Variants in AGTPBP1 observed in about 807,000 individuals in gnomAD.
AGTPBP1 encodes cytosolic carboxypeptidase 1.
A neutral mutation model predicts 143.9 loss-of-function variants in AGTPBP1; 70 were observed. That is an observed-to-expected ratio of 0.49 (90% CI 0.40 to 0.59). The LOEUF (loss-of-function observed/expected upper bound fraction) is 0.59. Ranked by LOEUF, AGTPBP1 falls within the 20% of genes least tolerant of loss-of-function variation. The pLI, the probability that AGTPBP1 is intolerant of heterozygous loss-of-function variation, is 0.00. For missense variants in AGTPBP1, 1,229 were observed against 1,464.5 expected (o/e 0.84, Z 2.62); for synonymous variants, 463 against 500.2 (o/e 0.93, Z 0.99).
upstream of AGTPBP1, among the ~76,000 whole-genome samples, chr9:85,746,224 C>T (rs936561695): frequency 6.6e-5 from 10 of 152,150 alleles, no homozygotes; most frequent in South Asian, 2.1e-4. Flanking sequence ...AAATCTGCTG[C>T]GATCCACTGC....
chr9:85,763,185 CA>C, the AGTPBP1 span, among the ~76,000 whole-genome samples: 44 of 150,184 alleles, frequency 2.9e-4, 1 homozygote, highest in Admixed American at 2.2e-3. Context: ...AAAAAACAAA[CA>C]AAAAAAAACC....
chr9:85,557,054 C>G (rs1231749530), intron 25 of AGTPBP1, among the ~76,000 whole-genome samples: 2 of 152,094 alleles, frequency 1.3e-5, no homozygotes, highest in Non-Finnish European at 2.9e-5. Context: ...CTTCCTTATG[C>G]TGATATATTC....
intron 19 of AGTPBP1, 36 bp downstream of exon 19, chr9:85,592,524 A>G (rs989218741): frequency 2.8e-6 from 4 of 1,444,882 alleles, no homozygotes; most frequent in Admixed American, 2.3e-5. Flanking sequence ...TATCTTATAC[A>G]TATCCATATA....
intron 8 of AGTPBP1, among the ~76,000 whole-genome samples, chr9:85,666,097 A>T (rs1834115050): frequency 6.6e-6 from 1 of 152,122 alleles, no homozygotes; most frequent in Admixed American, 6.6e-5. Flanking sequence ...AGCAACAATA[A>T]TTCAAAAAGT....
At chr9:85,582,463 T>C (rs1222825367) in intron 23 of AGTPBP1, among the ~76,000 whole-genome samples, 1 of 152,090 alleles carries the variant, frequency 6.6e-6, no homozygotes, top group Non-Finnish European at 1.5e-5. Context: ...GATCATTTGA[T>C]GTCAGGATTT....
upstream of AGTPBP1, chr9:85,742,151 A>G (rs1824376160): frequency 1.3e-5 from 7 of 533,306 alleles, no homozygotes; most frequent in Non-Finnish European, 1.7e-5. Flanking sequence ...GCCTGACGGG[A>G]GGGAGCGCGC....
At chr9:85,592,495 A>G in intron 19 of AGTPBP1, 65 bp downstream of exon 19, 4 of 1,165,524 alleles carry the variant, frequency 3.4e-6, no homozygotes, top group Middle Eastern at 2.6e-4. Context: ...ATATTTAACT[A>G]AACTCAATTT....
chr9:85,551,527 T>C (rs866417811), intron 25 of AGTPBP1, among the ~76,000 whole-genome samples: 2 of 152,160 alleles, frequency 1.3e-5, no homozygotes, highest in Non-Finnish European at 2.9e-5. Flanking sequence ...ACCCATCTGA[T>C]CTCTCCTGTC....
intron 25 of AGTPBP1, among the ~76,000 whole-genome samples, chr9:85,573,110 GGTCTCCCTCTCCCTCTCTTTCCACA>G (rs1285185902): frequency 6.7e-6 from 1 of 148,602 alleles, no homozygotes; most frequent in Non-Finnish European, 1.5e-5. Context: ...CCTTCCCCAC[GGTCTCCCTCTCCCTCTCTTTCCACA>G]GTCTCCCTCT....
chr9:85,777,055 G>A, the AGTPBP1 span, among the ~76,000 whole-genome samples: 1 of 152,160 alleles, frequency 6.6e-6, no homozygotes, highest in Non-Finnish European at 1.5e-5. Context: ...CGTTCTATCA[G>A]TCTAGCTGCT....
At chr9:85,772,044 C>T in the AGTPBP1 span, among the ~76,000 whole-genome samples, 1 of 146,410 alleles carries the variant, frequency 6.8e-6, no homozygotes, top group Non-Finnish European at 1.5e-5. Context: ...GGTGTGATCT[C>T]GGCTCACTGC....
Position 85,602,319 on chromosome 9 carries a change from A to C in AGTPBP1, c.2336-5870T>G, listed in dbSNP as rs188161504. Among the ~76,000 whole-genome samples, 368 of 152,302 alleles carry C rather than the reference A, an allele frequency of 2.4e-3. 3 individuals are homozygous for C. Among genetic ancestry groups the C allele is most frequent in the Non-Finnish European group, 4.2e-3 (288 of 68,018 alleles). On this transcript the variant is annotated intron_variant, in intron 17 of 25. Transcript: ENST00000357081. ...ATATCATTTTTTAAAAAGCAAACAA[A>C]TACTGGAACTGAAGAATATTCATTA... is the stretch of plus-strand genomic sequence containing the variant.
intron 13 of AGTPBP1, among the ~76,000 whole-genome samples, chr9:85,635,724 G>A (rs1831992655): frequency 1.3e-5 from 2 of 151,838 alleles, no homozygotes; most frequent in East Asian, 1.9e-4. Context: ...ATGAAGGACA[G>A]GAGAAAAACC....
chr9:85,742,110 T>C, upstream of AGTPBP1: 2 of 922,256 alleles, frequency 2.2e-6, no homozygotes, highest in Non-Finnish European at 1.3e-6. Context: ...CCTTGTTACC[T>C]CCGTGCGCGC....
At chr9:85,708,831 C>T (rs148105817) in intron 2 of AGTPBP1, among the ~76,000 whole-genome samples, 108 of 151,794 alleles carry the variant, frequency 7.1e-4, no homozygotes, top group Non-Finnish European at 1.2e-3. Flanking sequence ...CCACCATGCC[C>T]GGCCAAGAAT....
At chr9:85,654,791 C>T (rs548549359) in intron 11 of AGTPBP1, among the ~76,000 whole-genome samples, 2 of 151,114 alleles carry the variant, frequency 1.3e-5, no homozygotes, top group Admixed American at 6.6e-5. Context: ...TGCAGTGAGC[C>T]GAGATTGCAC....
intron 17 of AGTPBP1, among the ~76,000 whole-genome samples, chr9:85,614,429 AAAC>A: frequency 6.6e-6 from 1 of 152,200 alleles, no homozygotes; most frequent in Non-Finnish European, 1.5e-5. Flanking sequence ...CAGAAATATA[AAAC>A]AATAAGAAAA....
intron 3 of AGTPBP1, among the ~76,000 whole-genome samples, chr9:85,683,347 C>G (rs536022847): frequency 3.9e-5 from 6 of 152,078 alleles, no homozygotes; most frequent in Non-Finnish European, 8.8e-5. Context: ...ATCTAATGTA[C>G]CCTTGATGTA....
At chr9:85,596,783 A>G (rs1400947730) in intron 17 of AGTPBP1, among the ~76,000 whole-genome samples, 1 of 152,180 alleles carries the variant, frequency 6.6e-6, no homozygotes, top group Non-Finnish European at 1.5e-5. Flanking sequence ...GACATAATGT[A>G]CAATCACCCC....
Sources: allele counts gnomAD v4.1 joint callset (sites outside exome capture counted in the v4.1 genomes callset), GRCh38; gene constraint gnomAD v4.1.1; transcripts MANE v1.5; gene names NCBI Gene and HGNC (gene_info 2026-07-23, HGNC 2026-07-21).